SOX6: variants seen among roughly 807,000 people sequenced by gnomAD.
SOX6 encodes the protein transcription factor SOX-6.
A neutral mutation model predicts 97.8 loss-of-function variants in SOX6; 11 were observed. The ratio of observed to expected loss-of-function variants is 0.11; its 90% CI spans 0.07 to 0.19. The LOEUF (loss-of-function observed/expected upper bound fraction) is 0.19, where lower values mean the gene tolerates loss of function less well. SOX6 is among the 10% of genes least tolerant of loss of function. The probability of loss-of-function intolerance (pLI) is 1.00; values close to 1 mark genes in which losing one functional copy is unlikely to be tolerated. For synonymous variants in SOX6, 360 were observed against 371.4 expected (o/e 0.97, Z 0.35); for missense variants, 810 against 1,039.5 (o/e 0.78, Z 3.04).
intron 3 of SOX6, among the ~76,000 whole-genome samples, chr11:16,685,203 AAAAAAT>A (rs1847960097): frequency 6.6e-6 from 1 of 152,150 alleles, no homozygotes; most frequent in Admixed American, 6.5e-5. Context: ...TCACACTGCA[AAAAAAT>A]AAAAATAAAT....
intron 3 of SOX6, among the ~76,000 whole-genome samples, chr11:16,242,329 T>A (rs1030910358): frequency 6.6e-6 from 1 of 152,022 alleles, no homozygotes; most frequent in African/African-American, 2.4e-5. Context: ...ATCAATAGGT[T>A]ATACTATATA....
chr11:16,641,419 G>C (rs1384126874), intron 3 of SOX6, among the ~76,000 whole-genome samples: 2 of 152,116 alleles, frequency 1.3e-5, no homozygotes, highest in African/African-American at 4.8e-5. Context: ...ATGTCTATTA[G>C]GTCCACTTGG....
intron 4 of SOX6, among the ~76,000 whole-genome samples, chr11:16,532,587 T>C (rs1461824371): frequency 6.6e-6 from 1 of 151,908 alleles, no homozygotes; most frequent in Non-Finnish European, 1.5e-5. Flanking sequence ...CACTACATCA[T>C]GATTCAAAAC....
chr11:16,154,034 A>G (rs1321337660), intron 6 of SOX6, among the ~76,000 whole-genome samples: 1 of 152,162 alleles, frequency 6.6e-6, no homozygotes, highest in Non-Finnish European at 1.5e-5. Context: ...TAAGATGGCA[A>G]TTTATTCCTC....
At chr11:16,594,684 CTTTTTTTTTTT>C (rs10653599) in intron 4 of SOX6, among the ~76,000 whole-genome samples, 1 of 68,266 alleles carries the variant, frequency 1.5e-5, no homozygotes, top group African/African-American at 6.2e-5. Flanking sequence ...TCGGTTTTTG[CTTTTTTTTTTT>C]TTTTTTTTTT....
chr11:16,615,049 C>T lies in SOX6; in HGVS notation n.430-2789G>A, dbSNP rs7935139. Among the ~76,000 whole-genome samples, 1,106 of 152,226 alleles carry T rather than the reference C, an allele frequency of 7.3e-3. 15 individuals are homozygous for T. The highest frequency in any genetic ancestry group is 0.024 in the African/African-American group (991 of 41,510). ...TAAAAGAAGCAACAGGCCCCCAAGC[C>T]GGACCCCACTCCCTGTTTCATGCCA... On this transcript the variant is annotated intron_variant and non_coding_transcript_variant, in intron 3 of 5. Transcript: ENST00000524520.
chr11:16,709,377 G>A (rs887753003), intron 3 of SOX6, among the ~76,000 whole-genome samples: 1 of 152,102 alleles, frequency 6.6e-6, no homozygotes, highest in Non-Finnish European at 1.5e-5. Flanking sequence ...AATTAGCTGG[G>A]CATGGCCACA....
chr11:15,984,295 C>T (rs1251671178), intron 15 of SOX6, among the ~76,000 whole-genome samples: 1 of 152,116 alleles, frequency 6.6e-6, no homozygotes, highest in Non-Finnish European at 1.5e-5. Context: ...AATAGTATTA[C>T]TGCAACTCAT....
chr11:16,351,220 C>A (rs1856938996), intron 1 of SOX6, among the ~76,000 whole-genome samples: 1 of 151,994 alleles, frequency 6.6e-6, no homozygotes, highest in Admixed American at 6.6e-5. Flanking sequence ...CATCCACACC[C>A]AGAAGAGTAC....
At chr11:15,982,254 G>T (rs1325629868) in intron 15 of SOX6, among the ~76,000 whole-genome samples, 3 of 151,938 alleles carry the variant, frequency 2.0e-5, no homozygotes, top group African/African-American at 7.2e-5. Flanking sequence ...TAGCTGTGTG[G>T]CCCTACACAA....
chr11:16,304,740 CTGTTT>C (rs1855372164), intron 3 of SOX6, among the ~76,000 whole-genome samples: 1 of 151,938 alleles, frequency 6.6e-6, no homozygotes, highest in Non-Finnish European at 1.5e-5. Context: ...TTGTTTTGTT[CTGTTT>C]TATTTTGTAC....
intron 1 of SOX6, among the ~76,000 whole-genome samples, chr11:16,346,862 T>C (rs1004448238): frequency 6.6e-6 from 1 of 152,056 alleles, no homozygotes; most frequent in Non-Finnish European, 1.5e-5. Flanking sequence ...GGATTCTGAC[T>C]TTTCTAAGGG....
chr11:16,088,591 A>G (rs573735795), intron 9 of SOX6, among the ~76,000 whole-genome samples: 1 of 152,256 alleles, frequency 6.6e-6, no homozygotes, highest in African/African-American at 2.4e-5. Context: ...GAGCATGATC[A>G]TTTATAAACT....
intron 4 of SOX6, among the ~76,000 whole-genome samples, chr11:16,226,742 C>G (rs1852700192): frequency 3.0e-5 from 1 of 33,174 alleles, no homozygotes; most frequent in Admixed American, 3.9e-4. Context: ...TTTCTTCACC[C>G]CTGTCTCTCA....
At chr11:16,596,060 T>A (rs561273206) in intron 4 of SOX6, among the ~76,000 whole-genome samples, 34 of 152,292 alleles carry the variant, frequency 2.2e-4, no homozygotes, top group Admixed American at 1.8e-3. Flanking sequence ...ATGAGGCACC[T>A]AAAGAGCTGC....
intron 2 of SOX6, among the ~76,000 whole-genome samples, chr11:16,722,642 C>T (rs1848275707): frequency 6.6e-6 from 1 of 151,636 alleles, no homozygotes; most frequent in Non-Finnish European, 1.5e-5. Flanking sequence ...CAAAGTGAAA[C>T]TCTGTCTCAA....
chr11:16,420,500 A>G (rs1333621639), intron 1 of SOX6, among the ~76,000 whole-genome samples: 4 of 152,276 alleles, frequency 2.6e-5, no homozygotes, highest in Middle Eastern at 3.4e-3. Flanking sequence ...GGATATGTTC[A>G]ATACAACTCC....
At chr11:16,025,240 T>C (rs1855182095) in intron 12 of SOX6, among the ~76,000 whole-genome samples, 1 of 152,212 alleles carries the variant, frequency 6.6e-6, no homozygotes, top group South Asian at 2.1e-4. Context: ...CCTACTTATA[T>C]GTGGTTTCAA....
At chr11:16,649,253 A>G (rs1849057911) in intron 3 of SOX6, among the ~76,000 whole-genome samples, 1 of 152,226 alleles carries the variant, frequency 6.6e-6, no homozygotes, top group South Asian at 2.1e-4. Context: ...ACATCCAAAC[A>G]CAAAAAGCTC....
Sources: gnomAD v4.1 joint callset for allele counts (sites outside exome capture counted in the v4.1 genomes callset) on GRCh38, gnomAD v4.1.1 for gene constraint, MANE v1.5 for transcripts, NCBI Gene and HGNC (gene_info 2026-07-23, HGNC 2026-07-21) for gene names.